RBFOX1: variants seen among roughly 807,000 people sequenced by gnomAD.
RBFOX1 encodes RNA binding fox-1 homolog 1.
In RBFOX1, 8 loss-of-function variants were observed where a neutral mutation model predicts 57.7. The ratio of observed to expected loss-of-function variants is 0.14; its 90% CI spans 0.08 to 0.25. The LOEUF (loss-of-function observed/expected upper bound fraction) is 0.25. Among genes scored for constraint, RBFOX1 ranks in the 10% least tolerant of loss-of-function variants. The probability of loss-of-function intolerance (pLI) is 1.00; values close to 1 mark genes in which losing one functional copy is unlikely to be tolerated. For synonymous variants in RBFOX1, 326 were observed against 222.4 expected (o/e 1.47, Z -4.15); for missense variants, 611 against 548.5 (o/e 1.11, Z -1.14).
chr16:7,120,068 A>G (rs2066774165), intron 4 of RBFOX1, among the ~76,000 whole-genome samples: 1 of 152,126 alleles, frequency 6.6e-6, no homozygotes, highest in South Asian at 2.1e-4. Context: ...ATCTAAAAGC[A>G]CTTGGAAATT....
intron 1 of RBFOX1, among the ~76,000 whole-genome samples, chr16:5,387,196 C>T (rs950896237): frequency 6.6e-6 from 1 of 152,272 alleles, no homozygotes; most frequent in East Asian, 1.9e-4. Context: ...CTGTGCTTGG[C>T]CCTTAACAGG....
intron 2 of RBFOX1, among the ~76,000 whole-genome samples, chr16:6,443,807 T>TACCCAACTCTCCATCTAGCTATCCATTC (rs2094434094): frequency 2.0e-5 from 3 of 152,142 alleles, no homozygotes; most frequent in African/African-American, 7.2e-5. Flanking sequence ...CCTATCCATT[T>TACCCAACTCTCCATCTAGCTATCCATTC]ACCCATCTCT....
At chr16:6,304,280 T>C (rs1008757811) in intron 1 of RBFOX1, among the ~76,000 whole-genome samples, 3 of 151,498 alleles carry the variant, frequency 2.0e-5, no homozygotes, top group African/African-American at 7.3e-5. Context: ...ACAGTGAGAG[T>C]CCATCTCAAA....
At position 5,558,095 on chromosome 16, in the gene RBFOX1, C is replaced by T. The variant is rs78813241; in HGVS notation, c.259-40807C>T. Among the ~76,000 whole-genome samples the T allele has an allele frequency of 4.8e-4, 73 of 152,284 alleles. No homozygotes were observed. In the East Asian group the frequency reaches 9.3e-3, roughly 19 times the overall value. On this transcript the variant is annotated intron_variant, in intron 2 of 2. Transcript: ENST00000585867. ...CCATCCATCTTTCTGAGAGCCACTC[C>T]CATCACTCAATAATACCTTGTACTC...
chr16:7,488,710 C>G lies in RBFOX1; in HGVS notation c.28-29437C>G, dbSNP rs183088284. Among the ~76,000 whole-genome samples the G allele has an allele frequency of 1.7e-4, 26 of 152,312 alleles. No individual in the cohort carries two copies. In the East Asian group the frequency reaches 4.6e-3, roughly 27 times the overall value. On this transcript the variant is annotated intron_variant, in intron 4 of 15. Coordinates refer to ENST00000550418, the MANE Select transcript of RBFOX1 (RefSeq NM_018723.4). ...ATCTATACATTCTCACATCCCTTAT[C>G]TAGCTATACATTCATCTATTATCCA...
intron 1 of RBFOX1, among the ~76,000 whole-genome samples, chr16:6,179,211 T>TC (rs1163956573): frequency 1.3e-5 from 2 of 152,290 alleles, no homozygotes; most frequent in East Asian, 1.9e-4. Flanking sequence ...AGTGGGGCTG[T>TC]CTTCTCCCTT....
At chr16:6,756,042 G>A (rs981386527) in intron 3 of RBFOX1, among the ~76,000 whole-genome samples, 1 of 152,138 alleles carries the variant, frequency 6.6e-6, no homozygotes, top group Admixed American at 6.5e-5. Context: ...AGTACACAAT[G>A]AGGTGCCTCC....
intron 6 of RBFOX1, among the ~76,000 whole-genome samples, chr16:7,584,804 TC>T (rs1213261384): frequency 6.6e-5 from 10 of 152,208 alleles, no homozygotes; most frequent in Non-Finnish European, 1.3e-4. Flanking sequence ...TACACAACTG[TC>T]TTGGAAATGG....
chr16:6,967,845 G>C (rs1408470604), intron 3 of RBFOX1, among the ~76,000 whole-genome samples: 4 of 152,118 alleles, frequency 2.6e-5, no homozygotes, highest in African/African-American at 4.8e-5. Flanking sequence ...GAAGCAACCA[G>C]ACATACTTCC....
chr16:5,412,619 C>G lies in RBFOX1; in HGVS notation c.220-54597C>G, dbSNP rs1056144136. 1.1e-4 allele frequency among the ~76,000 whole-genome samples: 16 copies of G among 152,268 alleles called. No homozygotes were observed. The East Asian group carries it at 1.2e-3, about 11-fold the overall frequency. Reference sequence around the variant, plus strand: ...AGTAGGGGAGGGAGGTGGTCAGATGCGAGAACTCACATCGAGTCCTTATTG... The same window carrying G: ...AGTAGGGGAGGGAGGTGGTCAGATGGGAGAACTCACATCGAGTCCTTATTG... On this transcript the variant is annotated intron_variant, in intron 1 of 2. Transcript: ENST00000585867.
At chr16:6,640,633 A>C (rs4444344) in intron 2 of RBFOX1, among the ~76,000 whole-genome samples, 9,520 of 152,016 alleles carry the variant, frequency 0.063, 397 homozygotes, top group Non-Finnish European at 0.091. Context: ...ATAAATAAAT[A>C]AATACTACTT....
At chr16:6,612,341 C>T (rs908078862) in intron 2 of RBFOX1, among the ~76,000 whole-genome samples, 4 of 152,090 alleles carry the variant, frequency 2.6e-5, no homozygotes, top group African/African-American at 7.2e-5. Context: ...TGCAGGCATA[C>T]GTTTTTAATA....
intron 7 of RBFOX1, among the ~76,000 whole-genome samples, chr16:7,588,063 C>T (rs888962658): frequency 1.3e-5 from 2 of 152,154 alleles, no homozygotes; most frequent in Non-Finnish European, 2.9e-5. Flanking sequence ...CCTGTAATTC[C>T]AGCTACTCGG....
chr16:6,990,792 T>G (rs1488561933), intron 3 of RBFOX1, among the ~76,000 whole-genome samples: 3 of 152,104 alleles, frequency 2.0e-5, no homozygotes, highest in Non-Finnish European at 2.9e-5. Flanking sequence ...CCAAACTGCT[T>G]GTTAAGGTCC....
intron 3 of RBFOX1, among the ~76,000 whole-genome samples, chr16:6,796,654 G>C (rs2154253069): frequency 6.6e-6 from 1 of 152,122 alleles, no homozygotes; most frequent in East Asian, 1.9e-4. Flanking sequence ...ATTTTCTCTT[G>C]TAATTCTTAA....
intron 2 of RBFOX1, among the ~76,000 whole-genome samples, chr16:6,647,760 G>A (rs2098545751): frequency 6.6e-6 from 1 of 151,974 alleles, no homozygotes; most frequent in African/African-American, 2.4e-5. Context: ...TTTAAAGATG[G>A]GATCTTGCTC....
At chr16:7,368,392 A>G (rs959603377) in intron 4 of RBFOX1, among the ~76,000 whole-genome samples, 2 of 152,084 alleles carry the variant, frequency 1.3e-5, no homozygotes, top group Non-Finnish European at 2.9e-5. Flanking sequence ...AAGTTTACGT[A>G]TTACCAGAAA....
intron 4 of RBFOX1, among the ~76,000 whole-genome samples, chr16:5,902,914 C>T (rs1026177593): frequency 1.8e-4 from 28 of 152,140 alleles, no homozygotes; most frequent in African/African-American, 6.5e-4. Context: ...TGACGCGTAT[C>T]GAAGTGACCA....
At chr16:7,601,046 T>G (rs2094989122) in intron 9 of RBFOX1, among the ~76,000 whole-genome samples, 1 of 152,198 alleles carries the variant, frequency 6.6e-6, no homozygotes, top group South Asian at 2.1e-4. Context: ...AATACAAGAT[T>G]GAGAGCTGAA....
Sources: allele counts gnomAD v4.1 joint callset (sites outside exome capture counted in the v4.1 genomes callset), GRCh38; gene constraint gnomAD v4.1.1; transcripts MANE v1.5; gene names NCBI Gene and HGNC (gene_info 2026-07-23, HGNC 2026-07-21).